The following AP3M1 variants were observed in gnomAD, a reference collection of about 807,000 sequenced individuals.
The protein encoded by AP3M1 is AP-3 complex subunit mu-1.
AP3M1 carries 29 observed loss-of-function variants against 42.6 expected under a neutral mutation model. The ratio of observed to expected loss-of-function variants is 0.68; its 90% CI spans 0.51 to 0.93. The LOEUF (loss-of-function observed/expected upper bound fraction) is 0.93. AP3M1 is among the 40% of genes least tolerant of loss of function. The pLI is 0.00. For synonymous variants in AP3M1, 178 were observed against 175.3 expected, an observed-to-expected ratio of 1.02 and a Z score of -0.12; for missense variants, 416 against 510.2, an observed-to-expected ratio of 0.82 and a Z score of 1.78.
At chr10:74,131,387 T>G (rs1166219694) in intron 4 of AP3M1, among the ~76,000 whole-genome samples, 1 of 152,010 alleles carries the variant, frequency 6.6e-6, no homozygotes, top group Non-Finnish European at 1.5e-5. Flanking sequence ...CAGGATGGTC[T>G]GGATCTCCTA....
In AP3M1 at chr10:74,123,683, T is replaced by C; in HGVS notation, c.*127A>G. The C allele has an allele frequency of 2.7e-6, 2 of 730,566 alleles. No homozygotes were observed. The highest frequency in any genetic ancestry group is 4.6e-5 in the Admixed American group (2 of 43,430). The allele number at this position is 730,566 out of a possible 1,614,324, so 45.3% of individuals were successfully genotyped here. ...TACATTGATAACTAAGTAACTTTGT[T>C]AGCGGTGTGTAGCTAGACACAAATG... On this transcript the variant is annotated 3_prime_UTR_variant, in exon 9 of 9. Coordinates refer to ENST00000355264, the MANE Select transcript of AP3M1 (RefSeq NM_012095.6).
At chr10:74,135,797 C>T (rs1441307588) in intron 3 of AP3M1, among the ~76,000 whole-genome samples, 1 of 152,168 alleles carries the variant, frequency 6.6e-6, no homozygotes, top group East Asian at 1.9e-4. Flanking sequence ...AGTACAGACA[C>T]ACCATCTTAT....
intron 4 of AP3M1, among the ~76,000 whole-genome samples, chr10:74,131,787 C>T (rs1232055158): frequency 6.6e-6 from 1 of 152,058 alleles, no homozygotes; most frequent in Non-Finnish European, 1.5e-5. Flanking sequence ...AGTGATCTTC[C>T]TGCCTAAGCC....
At chr10:74,143,802 A>T (rs575089486) in intron 1 of AP3M1, among the ~76,000 whole-genome samples, 1 of 152,204 alleles carries the variant, frequency 6.6e-6, no homozygotes, top group Non-Finnish European at 1.5e-5. Flanking sequence ...GAGACTAATT[A>T]TTAGGAACAC....
intron 6 of AP3M1, among the ~76,000 whole-genome samples, chr10:74,126,688 C>T (rs1451189398): frequency 6.6e-6 from 1 of 151,902 alleles, no homozygotes; most frequent in Non-Finnish European, 1.5e-5. Context: ...GAAACCTCGT[C>T]TCTACAAAAA....
chr10:74,133,171 G>T (rs770075888), intron 4 of AP3M1, among the ~76,000 whole-genome samples: 1 of 152,152 alleles, frequency 6.6e-6, no homozygotes, highest in Non-Finnish European at 1.5e-5. Context: ...GAAACGGGCA[G>T]ATCACCTAAG....
intron 7 of AP3M1, among the ~76,000 whole-genome samples, chr10:74,124,990 T>A (rs1354881651): frequency 6.6e-6 from 1 of 152,174 alleles, no homozygotes; most frequent in East Asian, 1.9e-4. Flanking sequence ...TCTTTTTCTT[T>A]TTTTTTTGAG....
At chr10:74,133,988 A>G in intron 4 of AP3M1, 39 bp downstream of exon 4, 1 of 1,608,656 alleles carries the variant, frequency 6.2e-7, no homozygotes, top group Non-Finnish European at 8.5e-7. Context: ...TGTCAGATGA[A>G]TTGTTTTTCC....
chr10:74,138,076 T>G (rs774048029), intron 2 of AP3M1, 31 bp downstream of exon 2: 24 of 1,590,650 alleles, frequency 1.5e-5, no homozygotes, highest in Non-Finnish European at 2.1e-5. Context: ...CTTGGGTCAT[T>G]TAACTTAGAA....
intron 1 of AP3M1, among the ~76,000 whole-genome samples, chr10:74,147,535 TTAA>T (rs1316107883): frequency 6.6e-6 from 1 of 152,228 alleles, no homozygotes; most frequent in Non-Finnish European, 1.5e-5. Context: ...ATGAAGCTAA[TTAA>T]TATCACCATA....
chr10:74,145,385 A>G (rs1359793387), intron 1 of AP3M1, among the ~76,000 whole-genome samples: 8 of 152,226 alleles, frequency 5.3e-5, no homozygotes, highest in Non-Finnish European at 1.5e-5. Flanking sequence ...AGATGAAAGC[A>G]TAACACTTGT....
rs558177672 is a variant in AP3M1 at position 74,140,401 on chromosome 10, C to T, written c.-3-2019G>A. On this transcript the variant is annotated intron_variant, in intron 1 of 8. Transcript: ENST00000355264. ...TCTGTGCCGACCAGCGCCTTCAAAG[C>T]GGGGTCTTCTGCCTTTACTTTTGGA... is the stretch of plus-strand genomic sequence containing the variant. Among the ~76,000 whole-genome samples, 6 of 152,342 alleles carry T rather than the reference C, an allele frequency of 3.9e-5. No homozygotes were observed. In the South Asian group the frequency reaches 6.2e-4, roughly 16 times the overall value.
In AP3M1 at chr10:74,129,964, C is replaced by T. The variant is rs1177316497; in HGVS notation, c.612G>A (p.Gly204=). Residue 204 remains glycine, a synonymous_variant, in exon 5 of 9, where the codon GGG becomes GGA. Transcript: ENST00000355264. The part of the protein sequence containing the change: ...SGSTVFAEIQ[G]VIDACIKLSG... ...ATAGTTTAATGCAAGCATCAATGACCCCCTGAATTTCTGCAAAGACTGTAG... is the reference window on the plus strand; with the variant it reads ...ATAGTTTAATGCAAGCATCAATGACTCCCTGAATTTCTGCAAAGACTGTAG... 2.5e-6 allele frequency: 4 copies of T among 1,611,890 alleles called. No homozygotes were observed. The highest frequency in any genetic ancestry group is 2.5e-6 in the Non-Finnish European group (3 of 1,179,414).
chr10:74,146,645 T>C (rs1841337066), intron 1 of AP3M1, among the ~76,000 whole-genome samples: 1 of 152,192 alleles, frequency 6.6e-6, no homozygotes. Context: ...AATAAATATA[T>C]TCAAAAAACT....
At chr10:74,130,504 T>C (rs1245365125) in intron 4 of AP3M1, among the ~76,000 whole-genome samples, 1 of 150,750 alleles carries the variant, frequency 6.6e-6, no homozygotes, top group Non-Finnish European at 1.5e-5. Context: ...TGGAGCGTAG[T>C]GGTGCTATGA....
At chr10:74,124,733 A>T (rs1591733908) in intron 7 of AP3M1, among the ~76,000 whole-genome samples, 1 of 152,192 alleles carries the variant, frequency 6.6e-6, no homozygotes, top group East Asian at 1.9e-4. Context: ...TTTGTTGAGC[A>T]TTTTCTTTTG....
intron 6 of AP3M1, chr10:74,128,897 G>T: frequency 2.0e-6 from 1 of 489,218 alleles, no homozygotes; most frequent in Non-Finnish European, 3.5e-6. Flanking sequence ...TTTTACTCTA[G>T]TCTCACTTAG....
In AP3M1 at chr10:74,147,888, A is replaced by T. The variant is rs1386113164; in HGVS notation, c.-4+2867T>A. On this transcript the variant is annotated intron_variant, in intron 1 of 8. Coordinates refer to ENST00000355264, the MANE Select transcript of AP3M1 (RefSeq NM_012095.6). ...GTGGTAGGCGCCTGTAATCCCAGCT[A>T]CTCGGGAGGCTGAGGCGGAAGAATC... Among the ~76,000 whole-genome samples the T allele has an allele frequency of 4.6e-5, 7 of 151,908 alleles. No homozygotes were observed. In the East Asian group the frequency reaches 1.2e-3, roughly 25 times the overall value.
chr10:74,129,032 T>C, intron 6 of AP3M1, 76 bp downstream of exon 6: 2 of 1,568,968 alleles, frequency 1.3e-6, no homozygotes, highest in Admixed American at 3.5e-5. Context: ...AGTACTCAAC[T>C]TTCAGAAAGA....
Sources: allele counts gnomAD v4.1 joint callset (sites outside exome capture counted in the v4.1 genomes callset), GRCh38; gene constraint gnomAD v4.1.1; transcripts MANE v1.5; gene names NCBI Gene and HGNC (gene_info 2026-07-23, HGNC 2026-07-21).